The following PLEKHA1 variants were observed in gnomAD, a reference collection of about 807,000 sequenced individuals.
PLEKHA1 encodes the protein pleckstrin homology domain containing A1.
PLEKHA1 carries 34 observed loss-of-function variants against 52.0 expected under a neutral mutation model. The observed-to-expected ratio is 0.65, with a 90% CI of 0.50 to 0.87. The LOEUF is 0.87. Among genes scored for constraint, PLEKHA1 ranks in the 40% least tolerant of loss-of-function variants. The pLI, the probability that PLEKHA1 is intolerant of heterozygous loss-of-function variation, is 0.00. For synonymous variants in PLEKHA1, 163 were observed against 170.7 expected, an observed-to-expected ratio of 0.95 and a Z score of 0.35; for missense variants, 497 against 504.2, an observed-to-expected ratio of 0.99 and a Z score of 0.14.
chr10:122,385,766 C>G (rs2096685044), intron 1 of PLEKHA1, among the ~76,000 whole-genome samples: 1 of 152,212 alleles, frequency 6.6e-6, no homozygotes, highest in Non-Finnish European at 1.5e-5. Context: ...GCTTCTTTCA[C>G]ATACCAAAAT....
chr10:122,427,907 C>T (rs1198174253), intron 11 of PLEKHA1, among the ~76,000 whole-genome samples: 2 of 151,974 alleles, frequency 1.3e-5, no homozygotes, highest in African/African-American at 4.8e-5. Context: ...TATTATAATA[C>T]CGCCTTTTAT....
At chr10:122,403,224 T>C (rs774892223) in intron 4 of PLEKHA1, among the ~76,000 whole-genome samples, 1 of 152,068 alleles carries the variant, frequency 6.6e-6, no homozygotes, top group Non-Finnish European at 1.5e-5. Flanking sequence ...TAAAGATAGA[T>C]AATGGAAAAG....
chr10:122,380,960 A>C (rs952977454), intron 1 of PLEKHA1, among the ~76,000 whole-genome samples: 29 of 152,176 alleles, frequency 1.9e-4, no homozygotes, highest in Non-Finnish European at 3.2e-4. Context: ...GACTCCTGGC[A>C]CTGCCACTCC....
chr10:122,404,401 A>C (rs998952220), intron 4 of PLEKHA1, among the ~76,000 whole-genome samples: 1 of 152,182 alleles, frequency 6.6e-6, no homozygotes, highest in African/African-American at 2.4e-5. Flanking sequence ...ATTTATTCAA[A>C]AGTATATGTA....
intron 2 of PLEKHA1, 54 bp from the exon 3 acceptor site, chr10:122,397,864 T>G: frequency 7.5e-7 from 1 of 1,327,012 alleles, no homozygotes; most frequent in African/African-American, 1.5e-5. Context: ...CATTATATTA[T>G]AAAATGAATT....
chr10:122,386,503 A>G (rs1354197816), intron 1 of PLEKHA1: 2 of 152,130 alleles, frequency 1.3e-5, no homozygotes, highest in African/African-American at 4.8e-5. Flanking sequence ...TTTCAGATAT[A>G]TCAACTATTA....
the PLEKHA1 span, chr10:122,440,310 C>CT: frequency 6.6e-6 from 1 of 152,248 alleles, no homozygotes; most frequent in Non-Finnish European, 1.5e-5. Flanking sequence ...AGCATTTGAA[C>CT]TTATCCTACG....
rs755283019 is a variant in PLEKHA1 at position 122,406,651 on chromosome 10, TAAAC to T, written c.324_327del (p.Asn108LysfsTer3). 4 of 1,609,076 alleles carry T rather than the reference TAAAC, an allele frequency of 2.5e-6. No individual in the cohort carries two copies. The highest frequency in any genetic ancestry group is 1.1e-5 in the South Asian group (1 of 90,886). ...GACCTAGTGGAATGGGTAAATGTGT[TAAAC>T]AAAGCTATAAAAATTACAGTAAGTA... On this transcript the variant is annotated frameshift_variant, in exon 5 of 12. Coordinates refer to ENST00000368990, the MANE Select transcript of PLEKHA1 (RefSeq NM_001001974.4). LOFTEE classifies it high-confidence loss of function.
At chr10:122,401,885 A>T in intron 4 of PLEKHA1, among the ~76,000 whole-genome samples, 1 of 152,138 alleles carries the variant, frequency 6.6e-6, no homozygotes, top group East Asian at 1.9e-4. Flanking sequence ...AAAAGGGCAG[A>T]TTTCTTTAGG....
intron 5 of PLEKHA1, among the ~76,000 whole-genome samples, chr10:122,410,758 G>T (rs1236410190): frequency 2.6e-5 from 4 of 152,096 alleles, no homozygotes; most frequent in African/African-American, 4.8e-5. Context: ...ATAAATTTCG[G>T]TATTTTTTAG....
downstream of PLEKHA1, chr10:122,437,153 C>G (rs2097441500): frequency 6.6e-6 from 1 of 152,004 alleles, no homozygotes; most frequent in Admixed American, 6.6e-5. Flanking sequence ...TGCTCACGGT[C>G]TTGGTTCGTA....
chr10:122,428,828 CAT>C (rs1171180426), intron 11 of PLEKHA1, among the ~76,000 whole-genome samples: 3 of 152,088 alleles, frequency 2.0e-5, no homozygotes, highest in Non-Finnish European at 2.9e-5. Context: ...CCACTGGTAT[CAT>C]AAATGAATAT....
chr10:122,435,263 A>G (rs1333548611), downstream of PLEKHA1: 3 of 152,212 alleles, frequency 2.0e-5, no homozygotes, highest in Non-Finnish European at 2.9e-5. Context: ...TATGTTATCT[A>G]TTTTTTAAAT....
chr10:122,398,693 A>G (rs991875167), intron 3 of PLEKHA1, among the ~76,000 whole-genome samples: 1 of 152,022 alleles, frequency 6.6e-6, no homozygotes, highest in East Asian at 1.9e-4. Context: ...TAGCAACAGT[A>G]TTATTAAATA....
chr10:122,402,417 G>C (rs1257985062), intron 4 of PLEKHA1, among the ~76,000 whole-genome samples: 1 of 152,186 alleles, frequency 6.6e-6, no homozygotes, highest in Admixed American at 6.5e-5. Context: ...TCCCAAACCA[G>C]TGAGAACAAG....
chr10:122,397,583 C>T (rs1330338477), intron 2 of PLEKHA1, among the ~76,000 whole-genome samples: 1 of 151,980 alleles, frequency 6.6e-6, no homozygotes, highest in Admixed American at 6.5e-5. Flanking sequence ...TGTTTTCTGC[C>T]TGTAAATATT....
chr10:122,400,209 CTTTAAT>C, intron 3 of PLEKHA1, 128 bp from the exon 4 acceptor site: 2 of 635,010 alleles, frequency 3.1e-6, no homozygotes, highest in Non-Finnish European at 2.5e-6. Context: ...TTTTAGTTGT[CTTTAAT>C]TTTAAGTCTG....
intron 3 of PLEKHA1, among the ~76,000 whole-genome samples, chr10:122,399,503 A>G (rs1234446338): frequency 1.3e-5 from 2 of 152,184 alleles, no homozygotes; most frequent in Non-Finnish European, 2.9e-5. Flanking sequence ...TGATCTCCTC[A>G]TAGCAGATTA....
At chr10:122,413,068 G>GC in intron 6 of PLEKHA1, 23 bp downstream of exon 6, 1 of 1,598,082 alleles carries the variant, frequency 6.3e-7, no homozygotes, top group Non-Finnish European at 8.6e-7. Context: ...CTCTTCTATT[G>GC]TGTGAGGGTC....
Sources: allele counts gnomAD v4.1 joint callset (sites outside exome capture counted in the v4.1 genomes callset), GRCh38; gene constraint gnomAD v4.1.1; transcripts MANE v1.5; gene names NCBI Gene and HGNC (gene_info 2026-07-23, HGNC 2026-07-21).